PCDH9: variants seen among roughly 807,000 people sequenced by gnomAD.
PCDH9 encodes the protein protocadherin-9.
Under a neutral mutation model 70.6 loss-of-function variants are expected in PCDH9, and 24 were observed. The ratio of observed to expected loss-of-function variants is 0.34; its 90% CI spans 0.25 to 0.48. PCDH9 has a LOEUF of 0.48. Among genes scored for constraint, PCDH9 ranks in the 20% least tolerant of loss-of-function variants. PCDH9 has a pLI of 0.99. For missense variants in PCDH9, 1,281 were observed against 1,503.6 expected (o/e 0.85, Z 2.45); for synonymous variants, 562 against 558.5 (o/e 1.01, Z -0.09).
chr13:66,797,739 T>C (rs1443815810), intron 3 of PCDH9, among the ~76,000 whole-genome samples: 2 of 152,048 alleles, frequency 1.3e-5, no homozygotes, highest in Non-Finnish European at 2.9e-5. Context: ...TGCATTTAAA[T>C]AAAAACACAT....
chr13:66,635,108 G>C (rs1352318329), intron 3 of PCDH9, among the ~76,000 whole-genome samples: 5 of 152,116 alleles, frequency 3.3e-5, no homozygotes, highest in Non-Finnish European at 5.9e-5. Context: ...TATAAATGTA[G>C]TCAAATCCTG....
intron 2 of PCDH9, 47 bp downstream of exon 2, chr13:67,225,358 G>T: frequency 6.4e-7 from 1 of 1,559,730 alleles, no homozygotes. Context: ...CTGGTTGACT[G>T]GGCACTTGTA....
At chr13:66,899,360 G>A (rs1452781498) in intron 3 of PCDH9, among the ~76,000 whole-genome samples, 1 of 151,996 alleles carries the variant, frequency 6.6e-6, no homozygotes, top group Non-Finnish European at 1.5e-5. Flanking sequence ...AAAATTCACA[G>A]TTAGTTTAAA....
At chr13:66,879,053 T>C (rs2081873979) in intron 3 of PCDH9, among the ~76,000 whole-genome samples, 1 of 152,178 alleles carries the variant, frequency 6.6e-6, no homozygotes, top group African/African-American at 2.4e-5. Context: ...AGTGAAGCTC[T>C]TATGTGTGAA....
In PCDH9 at chr13:66,304,692, C is replaced by T. The variant is rs1955430559; in HGVS notation, c.3677G>A (p.Gly1226Glu). 3 of 1,613,158 alleles carry T rather than the reference C, an allele frequency of 1.9e-6. No homozygotes were observed. Among genetic ancestry groups the T allele is most frequent in the Non-Finnish European group, 8.5e-7 (1 of 1,179,540 alleles). ...CTCCTTAGGACTCTCAGTAGCACCT[C>T]CTGCTTGCTTATAAGACTTCAGATT... is the stretch of plus-strand genomic sequence containing the variant. ...LANLKSYKQA[G>E]GATESPKEHQ... Residue 1226 changes from glycine (G) to glutamate (E), a missense_variant, in exon 5 of 5, where the codon GGA becomes GAA. Transcript: ENST00000377865.
chr13:67,099,003 C>T (rs2086378892), intron 2 of PCDH9, among the ~76,000 whole-genome samples: 1 of 152,052 alleles, frequency 6.6e-6, no homozygotes, highest in African/African-American at 2.4e-5. Flanking sequence ...AAAGAATGAC[C>T]TCATGTTGAA....
intron 4 of PCDH9, among the ~76,000 whole-genome samples, chr13:66,366,392 T>C (rs1956555603): frequency 6.6e-6 from 1 of 152,018 alleles, no homozygotes; most frequent in African/African-American, 2.4e-5. Flanking sequence ...TAATATTTTC[T>C]CAAGAATCTG....
intron 2 of PCDH9, among the ~76,000 whole-genome samples, chr13:66,917,950 T>C (rs1037000277): frequency 1.3e-5 from 2 of 151,238 alleles, no homozygotes; most frequent in South Asian, 2.1e-4. Context: ...TGATATGTCT[T>C]AGGTGTCCAG....
At chr13:66,718,742 C>T (rs1458832446) in intron 3 of PCDH9, among the ~76,000 whole-genome samples, 2 of 152,106 alleles carry the variant, frequency 1.3e-5, no homozygotes, top group South Asian at 2.1e-4. Context: ...AATGTTGGTC[C>T]CCAAAATAAA....
chr13:66,481,011 G>T lies in PCDH9; in HGVS notation c.3340+150199C>A, dbSNP rs111988441. Among the ~76,000 whole-genome samples the T allele has an allele frequency of 4.4e-3, 670 of 152,138 alleles. 7 individuals are homozygous for T. The highest frequency in any genetic ancestry group is 0.015 in the African/African-American group (634 of 41,502). Reference sequence around the variant, plus strand: ...AAGGATGAGTTCATGTCCTTTGCAGGGACATGGATGAAGCTGGAAATCATC... The same window carrying T: ...AAGGATGAGTTCATGTCCTTTGCAGTGACATGGATGAAGCTGGAAATCATC... On this transcript the variant is annotated intron_variant, in intron 4 of 4. Transcript: ENST00000377865.
chr13:66,745,423 T>C (rs1047303868), intron 3 of PCDH9, among the ~76,000 whole-genome samples: 1 of 152,126 alleles, frequency 6.6e-6, no homozygotes, highest in Non-Finnish European at 1.5e-5. Context: ...AAATGGTAAA[T>C]TGCGCCTGAC....
intron 2 of PCDH9, among the ~76,000 whole-genome samples, chr13:67,121,845 C>T (rs1039512631): frequency 6.6e-6 from 1 of 152,050 alleles, no homozygotes; most frequent in Non-Finnish European, 1.5e-5. Context: ...CCTGTGCCTC[C>T]ATTTCTTCAG....
At chr13:66,427,974 GGTAATCAAATATTATTAACTAA>G (rs1484380408) in intron 4 of PCDH9, among the ~76,000 whole-genome samples, 2 of 151,652 alleles carry the variant, frequency 1.3e-5, no homozygotes, top group African/African-American at 4.8e-5. Flanking sequence ...TATGTTTTGA[GGTAATCAAATATTATTAACTAA>G]GTTTGCAAAT....
At chr13:67,111,789 G>A (rs950638253) in intron 2 of PCDH9, among the ~76,000 whole-genome samples, 7 of 152,148 alleles carry the variant, frequency 4.6e-5, no homozygotes, top group Non-Finnish European at 7.3e-5. Context: ...CTACAAAAAA[G>A]TGAGATTATT....
intron 4 of PCDH9, among the ~76,000 whole-genome samples, chr13:66,513,997 C>T (rs1025282524): frequency 6.6e-6 from 1 of 152,132 alleles, no homozygotes; most frequent in Non-Finnish European, 1.5e-5. Context: ...GCTGAATCAA[C>T]AATTCTTGGG....
chr13:66,871,683 G>T (rs1414027754), intron 3 of PCDH9, among the ~76,000 whole-genome samples: 2 of 152,026 alleles, frequency 1.3e-5, no homozygotes, highest in Non-Finnish European at 2.9e-5. Flanking sequence ...TACCGTACAT[G>T]TATGGCACTG....
rs1162872667 is a variant in PCDH9 at position 67,080,272 on chromosome 13, T to C, written c.3036+145133A>G. 2.0e-5 allele frequency among the ~76,000 whole-genome samples: 3 copies of C among 152,220 alleles called. No individual in the cohort carries two copies. The East Asian group carries it at 5.8e-4, about 29-fold the overall frequency. ...AGTAAATTAATAACATTTATGGTAA[T>C]TTAAAACATAATTTTTATCATTCCT... On this transcript the variant is annotated intron_variant, in intron 2 of 4. Transcript: ENST00000377865.
chr13:66,504,960 A>C (rs911858283), intron 4 of PCDH9, among the ~76,000 whole-genome samples: 1 of 152,202 alleles, frequency 6.6e-6, no homozygotes, highest in African/African-American at 2.4e-5. Flanking sequence ...TGATTCTTCA[A>C]AAACTTGGCT....
At chr13:66,444,847 C>T (rs1410238425) in intron 4 of PCDH9, among the ~76,000 whole-genome samples, 3 of 152,002 alleles carry the variant, frequency 2.0e-5, no homozygotes, top group Non-Finnish European at 4.4e-5. Flanking sequence ...AGGCATGAGC[C>T]ACCACGCCCA....
Sources: allele counts gnomAD v4.1 joint callset (sites outside exome capture counted in the v4.1 genomes callset), GRCh38; gene constraint gnomAD v4.1.1; transcripts MANE v1.5; gene names NCBI Gene and HGNC (gene_info 2026-07-23, HGNC 2026-07-21).